TBXAS1: variants seen among roughly 807,000 people sequenced by gnomAD.
The protein encoded by TBXAS1 is thromboxane-A synthase.
TBXAS1 carries 48 observed loss-of-function variants against 60.7 expected under a neutral mutation model. The ratio of observed to expected loss-of-function variants is 0.79; its 90% confidence interval spans 0.63 to 1.01. The LOEUF (loss-of-function observed/expected upper bound fraction) is 1.01. Ranked by LOEUF, TBXAS1 falls within the 50% of genes least tolerant of loss-of-function variation. The pLI is 0.00. For synonymous variants in TBXAS1, 287 were observed against 269.7 expected, an observed-to-expected ratio of 1.06 and a Z score of -0.63; for missense variants, 685 against 686.3, an observed-to-expected ratio of 1.00 and a Z score of 0.02.
chr7:139,979,481 C>T (rs1056912302), intron 9 of TBXAS1, among the ~76,000 whole-genome samples: 2 of 152,038 alleles, frequency 1.3e-5, no homozygotes, highest in Non-Finnish European at 2.9e-5. Context: ...AATCCCAGCA[C>T]TTTGGGAGGC....
chr7:139,898,702 C>G (rs746224798), intron 3 of TBXAS1, among the ~76,000 whole-genome samples: 5 of 152,326 alleles, frequency 3.3e-5, no homozygotes, highest in Non-Finnish European at 7.4e-5. Flanking sequence ...CTTCCTCGCT[C>G]AGCTTCCTCG....
At chr7:139,951,933 G>A (rs1409955195) in intron 5 of TBXAS1, among the ~76,000 whole-genome samples, 1 of 38,872 alleles carries the variant, frequency 2.6e-5, no homozygotes, top group Non-Finnish European at 5.6e-5. Context: ...AAGAAAGAGA[G>A]AAAGAAGGAA....
At chr7:140,015,674 G>C in intron 10 of TBXAS1, 49 bp from the exon 11 acceptor site, 1 of 1,608,078 alleles carries the variant, frequency 6.2e-7, no homozygotes, top group South Asian at 1.1e-5. Flanking sequence ...CCCAAGCTCT[G>C]CTCCTCATCT....
In TBXAS1 at chr7:139,814,676, G is replaced by A. The variant is rs138702899; in HGVS notation, c.-79-14636G>A. ...AGCAACAAGACAAAGCATGTCTAAT[G>A]AGAAAGTGAGCTCCCCAGAATTGGA... On this transcript the variant is annotated intron_variant, in intron 4 of 16. Transcript: ENST00000336425. Among the ~76,000 whole-genome samples, 843 of 152,240 alleles carry A rather than the reference G, an allele frequency of 5.5e-3. 6 individuals are homozygous for A. The highest frequency in any genetic ancestry group is 0.019 in the African/African-American group (797 of 41,528).
chr7:139,976,281 A>G (rs933192663), intron 9 of TBXAS1, among the ~76,000 whole-genome samples: 2 of 152,124 alleles, frequency 1.3e-5, no homozygotes, highest in African/African-American at 4.8e-5. Flanking sequence ...CCAGTGCCAT[A>G]TTCATATCCA....
At chr7:139,794,307 C>T (rs1169693851) in intron 4 of TBXAS1, among the ~76,000 whole-genome samples, 3 of 152,070 alleles carry the variant, frequency 2.0e-5, no homozygotes, top group Non-Finnish European at 2.9e-5. Context: ...ACCATGTTGG[C>T]CAGGCTGGTC....
At chr7:140,009,554 C>A (rs907801553) in intron 10 of TBXAS1, among the ~76,000 whole-genome samples, 1 of 150,922 alleles carries the variant, frequency 6.6e-6, no homozygotes, top group Non-Finnish European at 1.5e-5. Flanking sequence ...GCCGCCCCTT[C>A]CCCACACATG....
intron 9 of TBXAS1, among the ~76,000 whole-genome samples, chr7:139,988,585 C>T (rs1262015780): frequency 3.3e-5 from 5 of 152,198 alleles, no homozygotes; most frequent in South Asian, 2.1e-4. Context: ...TACTCCCCTC[C>T]GGCTTCTCCT....
chr7:139,977,045 G>A, intron 9 of TBXAS1, among the ~76,000 whole-genome samples: 1 of 152,120 alleles, frequency 6.6e-6, no homozygotes, highest in Non-Finnish European at 1.5e-5. Flanking sequence ...CAAGCCCCAC[G>A]AAATGACTGC....
chr7:139,850,846 G>A (rs1377668480), intron 1 of TBXAS1, among the ~76,000 whole-genome samples: 1 of 152,152 alleles, frequency 6.6e-6, no homozygotes, highest in African/African-American at 2.4e-5. Flanking sequence ...TGGATTGCCA[G>A]CAACTACCAG....
intron 3 of TBXAS1, among the ~76,000 whole-genome samples, chr7:139,898,316 A>C (rs1397009422): frequency 3.9e-5 from 6 of 152,044 alleles, no homozygotes; most frequent in African/African-American, 1.5e-4. Flanking sequence ...TCACGGAGAC[A>C]AGAAGTTCTC....
intron 4 of TBXAS1, among the ~76,000 whole-genome samples, chr7:139,915,557 T>A (rs922953925): frequency 6.6e-6 from 1 of 152,208 alleles, no homozygotes; most frequent in Non-Finnish European, 1.5e-5. Flanking sequence ...TGCTCACAAA[T>A]TCAGGCTTGA....
chr7:139,890,462 G>A (rs372134813), intron 3 of TBXAS1, among the ~76,000 whole-genome samples: 1 of 151,962 alleles, frequency 6.6e-6, no homozygotes, highest in Non-Finnish European at 1.5e-5. Context: ...TGATCCACCC[G>A]CCTCGGCCTC....
intron 5 of TBXAS1, among the ~76,000 whole-genome samples, chr7:139,951,949 GA>G (rs199596199): frequency 0.19 from 8,389 of 44,274 alleles, 1,415 homozygotes; most frequent in East Asian, 0.21. Context: ...AGGAAAGAAA[GA>G]AAAGAAAGAA....
chr7:139,805,779 T>C (rs1416762785), intron 4 of TBXAS1, among the ~76,000 whole-genome samples: 1 of 148,414 alleles, frequency 6.7e-6, no homozygotes, highest in Non-Finnish European at 1.5e-5. Flanking sequence ...TTCTTCTTTT[T>C]TTTTTTTGAA....
intron 9 of TBXAS1, among the ~76,000 whole-genome samples, chr7:139,984,917 AAAG>A (rs1054741000): frequency 2.1e-5 from 2 of 96,372 alleles, no homozygotes; most frequent in African/African-American, 7.9e-5. Context: ...GGAAAGAAAG[AAAG>A]AAGGAAAGAA....
intron 3 of TBXAS1, among the ~76,000 whole-genome samples, chr7:139,784,719 C>T (rs1253683152): frequency 6.6e-6 from 1 of 152,114 alleles, no homozygotes; most frequent in African/African-American, 2.4e-5. Flanking sequence ...CTGAATGCAC[C>T]AGATGTGGGG....
chr7:139,787,191 C>T (rs947508116), intron 3 of TBXAS1: 2 of 152,080 alleles, frequency 1.3e-5, no homozygotes, highest in African/African-American at 2.4e-5. Flanking sequence ...TGAGGATTTT[C>T]GTTTGTATGT....
intron 4 of TBXAS1, among the ~76,000 whole-genome samples, chr7:139,807,803 G>T (rs1051288551): frequency 1.3e-5 from 2 of 152,068 alleles, no homozygotes; most frequent in Non-Finnish European, 2.9e-5. Context: ...TTTCTGCACA[G>T]CTTGGAGTTC....
Sources: gnomAD v4.1 joint callset for allele counts (sites outside exome capture counted in the v4.1 genomes callset) on GRCh38, gnomAD v4.1.1 for gene constraint, MANE v1.5 for transcripts, NCBI Gene and HGNC (gene_info 2026-07-23, HGNC 2026-07-21) for gene names.